The following STK33 variants were observed in gnomAD, a reference collection of about 807,000 sequenced individuals.
STK33 encodes the protein serine/threonine-protein kinase 33.
In STK33, 52 loss-of-function variants were observed where a neutral mutation model predicts 58.0. That is an observed-to-expected ratio of 0.90 (90% confidence interval 0.72 to 1.13). The LOEUF is 1.13. Among genes scored for constraint, STK33 ranks in the 50% most tolerant of loss-of-function variants. The pLI is 0.00. For synonymous variants in STK33, 215 were observed against 200.1 expected, an observed-to-expected ratio of 1.07 and a Z score of -0.63; for missense variants, 630 against 604.2, an observed-to-expected ratio of 1.04 and a Z score of -0.45.
At chr11:8,420,644 G>T (rs1000091387) in intron 14 of STK33, among the ~76,000 whole-genome samples, 2 of 152,136 alleles carry the variant, frequency 1.3e-5, no homozygotes, top group Non-Finnish European at 2.9e-5. Context: ...AGAATCTTGT[G>T]ATTAACATTC....
chr11:8,469,434 T>G (rs1948562158), intron 6 of STK33, among the ~76,000 whole-genome samples: 1 of 152,230 alleles, frequency 6.6e-6, no homozygotes, highest in South Asian at 2.1e-4. Flanking sequence ...CAGGCTCCAC[T>G]TCTAGTTCTC....
chr11:8,422,794 T>C (rs1046740701), intron 14 of STK33, among the ~76,000 whole-genome samples: 1 of 152,012 alleles, frequency 6.6e-6, no homozygotes, highest in Non-Finnish European at 1.5e-5. Context: ...TACGGCTATA[T>C]TCCCTTTTCC....
the STK33 span, among the ~76,000 whole-genome samples, chr11:8,342,037 CT>C: frequency 1.3e-5 from 2 of 152,110 alleles, no homozygotes; most frequent in African/African-American, 4.8e-5. Context: ...CAGAAAAGGG[CT>C]TTTAAAGGTG....
intron 1 of STK33, among the ~76,000 whole-genome samples, chr11:8,563,475 G>A (rs1452668061): frequency 6.6e-6 from 1 of 152,142 alleles, no homozygotes; most frequent in African/African-American, 2.4e-5. Flanking sequence ...TAAGTCTGTA[G>A]GTATATGAAT....
chr11:8,471,040 G>A (rs891324214), intron 6 of STK33, among the ~76,000 whole-genome samples: 1 of 152,176 alleles, frequency 6.6e-6, no homozygotes, highest in Non-Finnish European at 1.5e-5. Context: ...CACAAGATCT[G>A]CAGAGTGCAA....
intron 1 of STK33, chr11:8,593,681 C>T (rs1239247734): frequency 2.0e-5 from 3 of 152,216 alleles, no homozygotes; most frequent in Non-Finnish European, 4.4e-5. Context: ...GTACCAGGCT[C>T]TAGCAGTTTA....
chr11:8,423,307 CTG>C (rs1175744787), intron 14 of STK33, among the ~76,000 whole-genome samples: 1 of 151,576 alleles, frequency 6.6e-6, no homozygotes, highest in Admixed American at 6.6e-5. Flanking sequence ...TGGTTTTACT[CTG>C]TTAAAATTCT....
chr11:8,349,046 CT>C, the STK33 span, among the ~76,000 whole-genome samples: 2 of 152,198 alleles, frequency 1.3e-5, no homozygotes, highest in African/African-American at 4.8e-5. Context: ...GTGGAGCACC[CT>C]TTCTCTGCAG....
chr11:8,474,520 C>T, intron 5 of STK33, 161 bp downstream of exon 5: 1 of 515,606 alleles, frequency 1.9e-6, no homozygotes, highest in South Asian at 4.0e-5. Flanking sequence ...TAACAAGTTA[C>T]TAACCAAATT....
At chr11:8,341,614 T>TA in the STK33 span, among the ~76,000 whole-genome samples, 2 of 152,236 alleles carry the variant, frequency 1.3e-5, no homozygotes, top group African/African-American at 4.8e-5. Context: ...ACGGGGCATT[T>TA]AGCCTGCCCC....
chr11:8,422,521 A>C (rs1414677126), intron 14 of STK33, among the ~76,000 whole-genome samples: 1 of 152,184 alleles, frequency 6.6e-6, no homozygotes, highest in Non-Finnish European at 1.5e-5. Flanking sequence ...AAGAAGAGTT[A>C]TAAGTTTAAG....
chr11:8,576,901 A>T (rs555228593), intron 1 of STK33, among the ~76,000 whole-genome samples: 2 of 152,316 alleles, frequency 1.3e-5, no homozygotes, highest in East Asian at 1.9e-4. Context: ...GGATGACTTT[A>T]AAAAACCTTG....
intron 14 of STK33, among the ~76,000 whole-genome samples, chr11:8,414,788 G>A (rs1471906305): frequency 6.6e-6 from 1 of 152,094 alleles, no homozygotes; most frequent in Non-Finnish European, 1.5e-5. Context: ...CCTTACACTG[G>A]TTTTGCACTT....
At chr11:8,535,347 G>A (rs1244469367) in intron 1 of STK33, among the ~76,000 whole-genome samples, 1 of 151,878 alleles carries the variant, frequency 6.6e-6, no homozygotes, top group Non-Finnish European at 1.5e-5. Context: ...TCATTCAACA[G>A]GGGACTAATA....
At chr11:8,526,335 T>C (rs942822926) in intron 1 of STK33, among the ~76,000 whole-genome samples, 2 of 151,092 alleles carry the variant, frequency 1.3e-5, no homozygotes, top group African/African-American at 4.9e-5. Flanking sequence ...GAGGTTGCAA[T>C]GAGCCGAGAT....
At chr11:8,444,904 T>A (rs1564992028) in intron 11 of STK33, among the ~76,000 whole-genome samples, 1 of 152,146 alleles carries the variant, frequency 6.6e-6, no homozygotes, top group Non-Finnish European at 1.5e-5. Context: ...AACTTTAAAG[T>A]AGTTTTTTCC....
At chr11:8,438,235 AT>A (rs1417428737) in intron 12 of STK33, among the ~76,000 whole-genome samples, 2 of 152,206 alleles carry the variant, frequency 1.3e-5, no homozygotes, top group Non-Finnish European at 2.9e-5. Context: ...AGCATACAAA[AT>A]TTTATGACAG....
chr11:8,591,785 T>G, intron 1 of STK33, among the ~76,000 whole-genome samples: 2 of 145,996 alleles, frequency 1.4e-5, no homozygotes, highest in African/African-American at 2.6e-5. Context: ...AATTGAAGAA[T>G]GAGAACACAT....
chr11:8,419,013 G>A (rs1002153226), intron 14 of STK33, among the ~76,000 whole-genome samples: 1 of 151,862 alleles, frequency 6.6e-6, no homozygotes, highest in Non-Finnish European at 1.5e-5. Context: ...TGCATAGTTT[G>A]CAAATATTTT....
Sources: allele counts gnomAD v4.1 joint callset (sites outside exome capture counted in the v4.1 genomes callset), GRCh38; gene constraint gnomAD v4.1.1; transcripts MANE v1.5; gene names NCBI Gene and HGNC (gene_info 2026-07-23, HGNC 2026-07-21).